Variants in CNTNAP2 observed in about 807,000 individuals in gnomAD.
CNTNAP2 encodes the protein contactin-associated protein-like 2.
A neutral mutation model predicts 155.2 loss-of-function variants in CNTNAP2; 98 were observed. That is an observed-to-expected ratio of 0.63 (90% CI 0.54 to 0.75). The LOEUF is 0.75. Ranked by LOEUF, CNTNAP2 falls within the 30% of genes least tolerant of loss-of-function variation. CNTNAP2 has a pLI of 0.00. For missense variants in CNTNAP2, 1,727 were observed against 1,688.1 expected (o/e 1.02, Z -0.40); for synonymous variants, 651 against 631.2 (o/e 1.03, Z -0.47).
At chr7:147,707,091 A>G (rs1796327564) in intron 13 of CNTNAP2, among the ~76,000 whole-genome samples, 1 of 151,962 alleles carries the variant, frequency 6.6e-6, no homozygotes, top group African/African-American at 2.4e-5. Context: ...CTTAATATCA[A>G]TATTTTGAAT....
intron 8 of CNTNAP2, among the ~76,000 whole-genome samples, chr7:147,178,646 C>T (rs529297213): frequency 2.6e-5 from 4 of 152,132 alleles, no homozygotes; most frequent in East Asian, 1.9e-4. Flanking sequence ...GGAATGGCTA[C>T]CCTGATTTTC....
intron 1 of CNTNAP2, among the ~76,000 whole-genome samples, chr7:146,507,110 C>A (rs970122200): frequency 3.9e-5 from 6 of 152,180 alleles, no homozygotes; most frequent in African/African-American, 1.4e-4. Context: ...GTCTGGGGTT[C>A]ATTACCCATG....
chr7:146,809,063 GT>G (rs564887334), intron 2 of CNTNAP2, among the ~76,000 whole-genome samples: 2 of 152,052 alleles, frequency 1.3e-5, no homozygotes, highest in Non-Finnish European at 2.9e-5. Flanking sequence ...ACTGATTTCA[GT>G]TTTTTTAGAT....
chr7:146,144,720 G>A (rs1406381499), intron 1 of CNTNAP2, among the ~76,000 whole-genome samples: 2 of 152,152 alleles, frequency 1.3e-5, no homozygotes, highest in African/African-American at 4.8e-5. Flanking sequence ...TGAAGAAAGT[G>A]TATTTATCTC....
intron 1 of CNTNAP2, among the ~76,000 whole-genome samples, chr7:146,601,991 A>C: frequency 6.6e-6 from 1 of 152,188 alleles, no homozygotes; most frequent in East Asian, 1.9e-4. Context: ...ATGGATGTAC[A>C]AAGCATTCAA....
intron 1 of CNTNAP2, among the ~76,000 whole-genome samples, chr7:146,350,124 G>A (rs1794890028): frequency 6.6e-6 from 1 of 151,976 alleles, no homozygotes; most frequent in African/African-American, 2.4e-5. Flanking sequence ...TGTAGATTTG[G>A]TCTTTTCACA....
intron 13 of CNTNAP2, among the ~76,000 whole-genome samples, chr7:147,878,144 G>GT (rs869214499): frequency 6.8e-4 from 65 of 94,980 alleles, no homozygotes; most frequent in Admixed American, 8.6e-4. Flanking sequence ...GAAGTTTAGG[G>GT]TTTTTTTTTT....
intron 13 of CNTNAP2, among the ~76,000 whole-genome samples, chr7:147,660,352 T>C (rs1334340940): frequency 6.6e-6 from 1 of 152,190 alleles, no homozygotes; most frequent in African/African-American, 2.4e-5. Context: ...AAAAAGATTT[T>C]GGCACTCTGA....
At chr7:147,251,624 A>C (rs1804200646) in intron 8 of CNTNAP2, among the ~76,000 whole-genome samples, 1 of 152,182 alleles carries the variant, frequency 6.6e-6, no homozygotes, top group Non-Finnish European at 1.5e-5. Flanking sequence ...AAAGTCTGAC[A>C]TTATGGAAAG....
At chr7:147,500,252 T>A (rs1182199589) in intron 11 of CNTNAP2, among the ~76,000 whole-genome samples, 1 of 152,090 alleles carries the variant, frequency 6.6e-6, no homozygotes, top group Non-Finnish European at 1.5e-5. Flanking sequence ...TATAAATCAG[T>A]TATTAAAACC....
intron 3 of CNTNAP2, among the ~76,000 whole-genome samples, chr7:146,956,806 C>T (rs1797447263): frequency 6.6e-6 from 1 of 152,048 alleles, no homozygotes; most frequent in South Asian, 2.1e-4. Flanking sequence ...TAAATGGGAT[C>T]ACTGGATAAA....
At chr7:146,591,917 C>T (rs1423679284) in intron 1 of CNTNAP2, among the ~76,000 whole-genome samples, 1 of 152,200 alleles carries the variant, frequency 6.6e-6, no homozygotes, top group Non-Finnish European at 1.5e-5. Context: ...GATAAGACTT[C>T]TCCTTTTCAA....
chr7:146,543,767 C>G (rs1797988608), intron 1 of CNTNAP2, among the ~76,000 whole-genome samples: 2 of 151,900 alleles, frequency 1.3e-5, no homozygotes, highest in African/African-American at 2.4e-5. Context: ...CAAAATATAT[C>G]TAAAACCTCA....
intron 4 of CNTNAP2, among the ~76,000 whole-genome samples, chr7:147,087,654 A>G (rs886320712): frequency 6.6e-6 from 1 of 152,120 alleles, no homozygotes; most frequent in Admixed American, 6.6e-5. Flanking sequence ...GGAGCTCCTA[A>G]CAATGGTTGC....
chr7:148,054,180 G>A lies in CNTNAP2; in HGVS notation c.2384-63938G>A, dbSNP rs192037059. ...GTAGAGACAGGGTTTCACCGTGTTA[G>A]CCAGGATGTTCTTGATCTCCTGACC... On this transcript the variant is annotated intron_variant, in intron 15 of 23. Transcript: ENST00000361727. Among the ~76,000 whole-genome samples the A allele has an allele frequency of 2.0e-5, 3 of 152,064 alleles. No homozygotes were observed. The South Asian group carries it at 6.2e-4, about 32-fold the overall frequency.
At chr7:146,783,140 T>G (rs887377331) in intron 2 of CNTNAP2, among the ~76,000 whole-genome samples, 26 of 152,176 alleles carry the variant, frequency 1.7e-4, no homozygotes, top group Admixed American at 4.6e-4. Flanking sequence ...GATTTTTAAG[T>G]GTTGTTTTGT....
intron 1 of CNTNAP2, among the ~76,000 whole-genome samples, chr7:146,143,951 T>C (rs1797918660): frequency 6.6e-6 from 1 of 151,974 alleles, no homozygotes; most frequent in South Asian, 2.1e-4. Context: ...TTAGTAGATA[T>C]GGGTTTCACC....
intron 12 of CNTNAP2, among the ~76,000 whole-genome samples, chr7:147,604,754 G>A (rs967342384): frequency 1.3e-5 from 2 of 152,158 alleles, no homozygotes; most frequent in Admixed American, 6.6e-5. Flanking sequence ...AGGGGGTCAT[G>A]TTGTGTACTT....
At chr7:146,209,371 T>A (rs1003789470) in intron 1 of CNTNAP2, among the ~76,000 whole-genome samples, 1 of 152,162 alleles carries the variant, frequency 6.6e-6, no homozygotes, top group Admixed American at 6.5e-5. Context: ...GCCTCCTGAA[T>A]CATCCTGTTC....
Sources: gnomAD v4.1 joint callset for allele counts (sites outside exome capture counted in the v4.1 genomes callset) on GRCh38, gnomAD v4.1.1 for gene constraint, MANE v1.5 for transcripts, NCBI Gene and HGNC (gene_info 2026-07-23, HGNC 2026-07-21) for gene names.